The following BCL9 variants were observed in gnomAD, a reference collection of about 807,000 sequenced individuals.
BCL9 encodes BCL9 transcription coactivator.
Under a neutral mutation model 88.5 loss-of-function variants are expected in BCL9, and 25 were observed. The ratio of observed to expected loss-of-function variants is 0.28; its 90% CI spans 0.21 to 0.39. BCL9 has a LOEUF of 0.39. Ranked by LOEUF, BCL9 falls within the 10% of genes least tolerant of loss-of-function variation. The pLI, the probability that BCL9 is intolerant of heterozygous loss-of-function variation, is 1.00. For synonymous variants in BCL9, 711 were observed against 673.3 expected (o/e 1.06, Z -0.87); for missense variants, 1,817 against 1,877.8 (o/e 0.97, Z 0.60).
intron 1 of BCL9, among the ~76,000 whole-genome samples, chr1:147,599,474 C>G (rs1657223514): frequency 7.0e-6 from 1 of 143,394 alleles, no homozygotes; most frequent in Non-Finnish European, 1.5e-5. Context: ...CTTCCCCCTC[C>G]GCGCCTTTCC....
intron 1 of BCL9, among the ~76,000 whole-genome samples, chr1:147,583,387 C>T (rs949269184): frequency 6.6e-6 from 1 of 152,008 alleles, no homozygotes; most frequent in Admixed American, 6.6e-5. Flanking sequence ...AAGTAATCCT[C>T]CCGCCTCAGC....
intron 1 of BCL9, among the ~76,000 whole-genome samples, chr1:147,551,643 T>A (rs1334908741): frequency 6.6e-6 from 1 of 151,766 alleles, no homozygotes; most frequent in African/African-American, 2.4e-5. Flanking sequence ...GGGTTAGTTA[T>A]CAAGGGAGTG....
chr1:147,618,498 G>T (rs963631088), intron 7 of BCL9, among the ~76,000 whole-genome samples: 2 of 152,160 alleles, frequency 1.3e-5, no homozygotes, highest in Non-Finnish European at 2.9e-5. Context: ...TAGTAGACAT[G>T]TGATATCAAA....
chr1:147,603,770 A>G (rs1553201629), intron 1 of BCL9, among the ~76,000 whole-genome samples: 2 of 151,964 alleles, frequency 1.3e-5, no homozygotes, highest in African/African-American at 4.8e-5. Flanking sequence ...CATCCTCCCA[A>G]AGTGTTGGGA....
chr1:147,614,091 AAT>A (rs1658144657), intron 5 of BCL9, among the ~76,000 whole-genome samples: 1 of 152,190 alleles, frequency 6.6e-6, no homozygotes, highest in Non-Finnish European at 1.5e-5. Flanking sequence ...GTTACAGTAA[AAT>A]ATGATAAATG....
intron 1 of BCL9, among the ~76,000 whole-genome samples, chr1:147,591,026 A>G (rs782679691): frequency 5.3e-5 from 8 of 152,180 alleles, no homozygotes; most frequent in Non-Finnish European, 1.0e-4. Flanking sequence ...GGATAGCAGC[A>G]AGAATACAGG....
intron 1 of BCL9, among the ~76,000 whole-genome samples, chr1:147,568,573 ATT>A: frequency 6.7e-6 from 1 of 149,272 alleles, no homozygotes; most frequent in East Asian, 2.0e-4. Flanking sequence ...ACCGAGGGGG[ATT>A]TTTTTTTTCT....
rs1658007583 is a variant in BCL9 at position 147,611,653 on chromosome 1, A to G, written c.-184A>G. 1.7e-6 allele frequency: 1 copy of G among 598,938 alleles called. No individual in the cohort carries two copies. Among genetic ancestry groups the G allele is most frequent in the East Asian group, 2.8e-5 (1 of 36,036 alleles). 37.1% of individuals were successfully genotyped at this position (598,938 alleles called of 1,614,324 possible). On this transcript the variant is annotated 5_prime_UTR_variant, in exon 4 of 10. Transcript: ENST00000234739. ...AGAGAATGCTGGAGCTGCAAGGGGA[A>G]AGGACCCACTTCCACAGCAGAGAAA... is the stretch of plus-strand genomic sequence containing the variant.
At chr1:147,594,995 G>A (rs895622561) in intron 1 of BCL9, among the ~76,000 whole-genome samples, 2 of 152,192 alleles carry the variant, frequency 1.3e-5, no homozygotes, top group African/African-American at 2.4e-5. Flanking sequence ...AGTGAGCAGC[G>A]TCCTTCAGAG....
chr1:147,604,071 A>G (rs1413857982), intron 1 of BCL9, among the ~76,000 whole-genome samples: 7 of 152,314 alleles, frequency 4.6e-5, no homozygotes, highest in African/African-American at 1.4e-4. Flanking sequence ...TGCAACAACT[A>G]TGTGACATGA....
chr1:147,561,117 AC>A (rs1655353735), intron 1 of BCL9, among the ~76,000 whole-genome samples: 1 of 152,228 alleles, frequency 6.6e-6, no homozygotes, highest in Non-Finnish European at 1.5e-5. Context: ...ATTGAGGTAA[AC>A]CCCAACACAC....
In BCL9 at chr1:147,624,074, A is replaced by G. The variant is rs148371186; in HGVS notation, c.3396A>G (p.Gln1132=). Residue 1132 remains glutamine (Q), a synonymous_variant, in exon 10 of 10, where the codon CAA becomes CAG. Transcript: ENST00000234739. This position sits in a 1 kb window ranked among gnomAD's most constrained non-coding sequence, Gnocchi z 4.4. ...CCCAGGAGCCACCGATGGTACCTCA[A>G]GGACGGATGGGCTTCCCCCAGGGCT... is the stretch of plus-strand genomic sequence containing the variant. The part of the protein sequence containing the change: ...HGSQEPPMVP[Q]GRMGFPQGFP... The G allele has an allele frequency of 2.0e-4, 322 of 1,612,222 alleles. 1 individual carries two copies. The highest frequency in any genetic ancestry group is 6.7e-5 in the Admixed American group (4 of 59,928).
intron 1 of BCL9, among the ~76,000 whole-genome samples, chr1:147,569,651 C>CA (rs1364285187): frequency 9.4e-6 from 1 of 106,052 alleles, no homozygotes; most frequent in Non-Finnish European, 1.9e-5. Flanking sequence ...CTCCGTCTCA[C>CA]AAAAAAAGAA....
chr1:147,603,130 A>G (rs1361844217), intron 1 of BCL9, among the ~76,000 whole-genome samples: 2 of 152,252 alleles, frequency 1.3e-5, no homozygotes, highest in Admixed American at 6.5e-5. Context: ...CAGTCTTACT[A>G]ACAGACCAAA....
At chr1:147,605,899 C>T (rs587765246) in intron 2 of BCL9, among the ~76,000 whole-genome samples, 17 of 152,204 alleles carry the variant, frequency 1.1e-4, no homozygotes, top group Non-Finnish European at 2.1e-4. Flanking sequence ...CTTCTTAGAG[C>T]AGGGAAATGG....
intron 1 of BCL9, among the ~76,000 whole-genome samples, chr1:147,603,525 A>C (rs1553201602): frequency 6.6e-6 from 1 of 152,080 alleles, no homozygotes; most frequent in African/African-American, 2.4e-5. Context: ...AAATTGAGAC[A>C]GAGTCTTGCT....
chr1:147,559,879 GT>G (rs1655295822), intron 1 of BCL9, among the ~76,000 whole-genome samples: 1 of 152,214 alleles, frequency 6.6e-6, no homozygotes, highest in Admixed American at 6.5e-5. Context: ...CAATGGAACA[GT>G]TGTTGGGTCC....
chr1:147,557,342 C>A (rs142727427), intron 1 of BCL9, among the ~76,000 whole-genome samples: 269 of 152,278 alleles, frequency 1.8e-3, no homozygotes, highest in African/African-American at 5.8e-3. Context: ...ATGTTCAAGG[C>A]CAGCCAGATC....
chr1:147,555,536 A>G (rs1288582291), intron 1 of BCL9, among the ~76,000 whole-genome samples: 1 of 152,234 alleles, frequency 6.6e-6, no homozygotes, highest in Non-Finnish European at 1.5e-5. Context: ...TTAAGGCAGG[A>G]ATCATACCAA....
Sources: gnomAD v4.1 joint callset for allele counts (sites outside exome capture counted in the v4.1 genomes callset) on GRCh38, gnomAD v4.1.1 for gene constraint, Gnocchi (gnomAD v3.1) non-coding constraint, MANE v1.5 for transcripts, NCBI Gene and HGNC (gene_info 2026-07-23, HGNC 2026-07-21) for gene names.